The following TENM3 variants were observed in gnomAD, a reference collection of about 807,000 sequenced individuals.
TENM3 encodes teneurin-3.
TENM3 carries 63 observed loss-of-function variants against 255.1 expected under a neutral mutation model. The ratio of observed to expected loss-of-function variants is 0.25; its 90% confidence interval spans 0.20 to 0.30. The LOEUF (loss-of-function observed/expected upper bound fraction) is 0.30, where lower values mean the gene tolerates loss of function less well. Ranked by LOEUF, TENM3 falls within the 10% of genes least tolerant of loss-of-function variation. TENM3 has a pLI of 1.00. For synonymous variants in TENM3, 1,306 were observed against 1,322.3 expected, an observed-to-expected ratio of 0.99 and a Z score of 0.27; for missense variants, 2,929 against 3,461.1, an observed-to-expected ratio of 0.85 and a Z score of 3.86.
the TENM3 span, among the ~76,000 whole-genome samples, chr4:181,801,047 G>A: frequency 1.3e-5 from 2 of 152,120 alleles, no homozygotes; most frequent in East Asian, 3.9e-4. Flanking sequence ...GAGGGTAGAA[G>A]GAATAGTTCA....
At chr4:181,726,923 G>GAAA in the TENM3 span, among the ~76,000 whole-genome samples, 1 of 152,178 alleles carries the variant, frequency 6.6e-6, no homozygotes, top group Admixed American at 6.5e-5. Context: ...AGCACTCAGG[G>GAAA]AAACACTTAC....
chr4:181,555,219 A>G, the TENM3 span, among the ~76,000 whole-genome samples: 1 of 152,170 alleles, frequency 6.6e-6, no homozygotes, highest in Non-Finnish European at 1.5e-5. Context: ...TATTTTCTTC[A>G]CTTTACAGAG....
chr4:181,850,051 C>T, the TENM3 span, among the ~76,000 whole-genome samples: 2 of 151,282 alleles, frequency 1.3e-5, no homozygotes, highest in Non-Finnish European at 2.9e-5. Context: ...TTTCTCCCTT[C>T]TTGCCTTTCT....
intron 1 of TENM3, among the ~76,000 whole-genome samples, chr4:182,306,685 G>T (rs1481386736): frequency 6.6e-6 from 1 of 152,104 alleles, no homozygotes; most frequent in Non-Finnish European, 1.5e-5. Flanking sequence ...ATAACATAAT[G>T]GTAGATTGTG....
chr4:182,662,639 G>A (rs900689949), intron 6 of TENM3, among the ~76,000 whole-genome samples: 1 of 152,280 alleles, frequency 6.6e-6, no homozygotes, highest in East Asian at 1.9e-4. Flanking sequence ...AGGATAGAGA[G>A]CCCTAGAACT....
At chr4:181,483,695 A>AG in the TENM3 span, among the ~76,000 whole-genome samples, 2 of 152,154 alleles carry the variant, frequency 1.3e-5, no homozygotes, top group Non-Finnish European at 2.9e-5. Context: ...CCCAACTTAA[A>AG]ATGCCAGGGT....
chr4:182,158,221 G>A lies in TENM3; in HGVS notation c.-76+13467G>A, dbSNP rs529641850. On this transcript the variant is annotated intron_variant, in intron 1 of 2. Transcript: ENST00000512480. The stretch of plus-strand genomic sequence containing the variant: ...GTTGCCAGATTGTGAGATTTCTCAA[G>A]AAATGCCAGAAGATGGATTGTGTGA... Among the ~76,000 whole-genome samples the A allele has an allele frequency of 2.7e-4, 41 of 152,334 alleles. No homozygotes were observed. The South Asian group carries it at 6.8e-3, about 25-fold the overall frequency.
chr4:181,593,239 A>G, the TENM3 span, among the ~76,000 whole-genome samples: 51,543 of 152,102 alleles, frequency 0.34, 10,019 homozygotes, highest in Non-Finnish European at 0.42. Flanking sequence ...AGGCATTTCT[A>G]TTTTACGATT....
chr4:181,782,598 G>T, the TENM3 span, among the ~76,000 whole-genome samples: 2 of 151,880 alleles, frequency 1.3e-5, no homozygotes, highest in Non-Finnish European at 2.9e-5. Context: ...TTTTTTGAAG[G>T]TTTTTTTGTG....
the TENM3 span, among the ~76,000 whole-genome samples, chr4:181,633,575 T>C: frequency 3.3e-5 from 5 of 150,950 alleles, no homozygotes; most frequent in African/African-American, 1.2e-4. Context: ...TATCAAATTG[T>C]TATAGTCCAG....
At chr4:181,703,503 G>A in the TENM3 span, among the ~76,000 whole-genome samples, 1 of 152,160 alleles carries the variant, frequency 6.6e-6, no homozygotes, top group African/African-American at 2.4e-5. Context: ...TCTTTAACGA[G>A]GTGCCATATT....
At chr4:182,600,868 C>CACAT in intron 3 of TENM3, 56 bp from the exon 4 acceptor site, 2 of 628,366 alleles carry the variant, frequency 3.2e-6, no homozygotes, top group Non-Finnish European at 4.9e-6. Context: ...TGTGTATATA[C>CACAT]ATATATATAT....
the TENM3 span, among the ~76,000 whole-genome samples, chr4:181,802,905 T>C: frequency 2.0e-5 from 3 of 152,242 alleles, no homozygotes; most frequent in African/African-American, 7.2e-5. Context: ...CCTGATATTT[T>C]ACTCCATTTG....
intron 13 of TENM3, among the ~76,000 whole-genome samples, chr4:182,722,328 T>G (rs1193324282): frequency 6.6e-6 from 1 of 152,180 alleles, no homozygotes; most frequent in Non-Finnish European, 1.5e-5. Context: ...TCTCATGTGC[T>G]TCTAAGCCTT....
At chr4:181,795,447 T>G in the TENM3 span, among the ~76,000 whole-genome samples, 3 of 152,096 alleles carry the variant, frequency 2.0e-5, no homozygotes, top group Admixed American at 6.5e-5. Flanking sequence ...AGGCCCCACC[T>G]CCTAATACAA....
the TENM3 span, among the ~76,000 whole-genome samples, chr4:181,618,875 T>C: frequency 3.1e-4 from 47 of 152,290 alleles, no homozygotes; most frequent in African/African-American, 1.1e-3. Flanking sequence ...CTCAACAAAG[T>C]GGGCACACTG....
chr4:182,547,129 G>T (rs1391495266), intron 3 of TENM3, among the ~76,000 whole-genome samples: 1 of 152,108 alleles, frequency 6.6e-6, no homozygotes, highest in African/African-American at 2.4e-5. Flanking sequence ...TTGTTTAGCA[G>T]AACAGAGAAT....
At chr4:182,702,750 T>G (rs986965784) in intron 12 of TENM3, among the ~76,000 whole-genome samples, 5 of 151,940 alleles carry the variant, frequency 3.3e-5, no homozygotes, top group South Asian at 2.1e-4. Context: ...TTTTTTTTCT[T>G]TTTTTGAGAC....
chr4:181,740,960 A>C, the TENM3 span, among the ~76,000 whole-genome samples: 1 of 152,336 alleles, frequency 6.6e-6, no homozygotes, highest in South Asian at 2.1e-4. Flanking sequence ...TAGCTTTATT[A>C]TTACCTGTGA....
Sources: gnomAD v4.1 joint callset for allele counts (sites outside exome capture counted in the v4.1 genomes callset) on GRCh38, gnomAD v4.1.1 for gene constraint, MANE v1.5 for transcripts, NCBI Gene and HGNC (gene_info 2026-07-23, HGNC 2026-07-21) for gene names.